The following VWA5A variants were observed in gnomAD, a reference collection of about 807,000 sequenced individuals.
VWA5A encodes the protein von Willebrand factor A domain containing 5A.
VWA5A carries 77 observed loss-of-function variants against 84.6 expected under a neutral mutation model. The observed-to-expected ratio is 0.91, with a 90% CI of 0.76 to 1.10. VWA5A has a LOEUF of 1.10. Ranked by LOEUF, VWA5A falls within the 50% of genes least tolerant of loss-of-function variation. VWA5A has a pLI of 0.00. For synonymous variants in VWA5A, 334 were observed against 350.1 expected, an observed-to-expected ratio of 0.95 and a Z score of 0.51; for missense variants, 973 against 963.0, an observed-to-expected ratio of 1.01 and a Z score of -0.14.
chr11:124,118,505 A>C, intron 5 of VWA5A, 28 bp from the exon 6 acceptor site: 1 of 1,611,696 alleles, frequency 6.2e-7, no homozygotes, highest in Non-Finnish European at 8.5e-7. Flanking sequence ...GTTGGCAAGG[A>C]AAACAGAACT....
At chr11:124,136,332 C>A in intron 13 of VWA5A, 39 bp downstream of exon 13, 1 of 1,596,710 alleles carries the variant, frequency 6.3e-7, no homozygotes, top group South Asian at 1.1e-5. Flanking sequence ...AGTCAAAGAG[C>A]TACCACATGA....
chr11:124,123,301 T>C (rs880321), intron 8 of VWA5A, 65 bp from the exon 9 acceptor site: 154,627 of 1,541,612 alleles, frequency 0.1, 8,421 homozygotes, highest in Non-Finnish European at 0.11. Flanking sequence ...AAGAGTCGAT[T>C]GACAGGGCCC....
intron 11 of VWA5A, among the ~76,000 whole-genome samples, chr11:124,125,918 T>C (rs928335251): frequency 1.3e-5 from 2 of 152,250 alleles, no homozygotes; most frequent in Non-Finnish European, 2.9e-5. Context: ...TGTTAAAAAG[T>C]CTTTCCCTAT....
rs142646474 is a variant in VWA5A at position 124,129,146 on chromosome 11, A to G, written c.1244+4830A>G. Among the ~76,000 whole-genome samples the G allele has an allele frequency of 7.0e-3, 1,059 of 152,268 alleles. 7 individuals carry two copies. The highest frequency in any genetic ancestry group is 0.021 in the Middle Eastern group (6 of 292). ...CATAAATAGCTCTTATTATTTTGAG[A>G]TATGTTCCATCAATACCTAGTTTAT... On this transcript the variant is annotated intron_variant, in intron 11 of 18. Transcript: ENST00000456829.
chr11:124,124,496 CAACA>C, intron 11 of VWA5A, 180 bp downstream of exon 11: 6 of 1,355,884 alleles, frequency 4.4e-6, no homozygotes, highest in Non-Finnish European at 5.7e-6. Flanking sequence ...CAAATAACAT[CAACA>C]ACACAGCAAA....
intron 16 of VWA5A, among the ~76,000 whole-genome samples, 182 bp from the exon 17 acceptor site, chr11:124,142,260 C>T (rs1307280501): frequency 6.6e-6 from 1 of 152,218 alleles, no homozygotes; most frequent in African/African-American, 2.4e-5. Context: ...AGCCCCTGTT[C>T]CACTGGTCAT....
At chr11:124,139,225 TTGTGTG>T (rs113893702) in intron 15 of VWA5A, among the ~76,000 whole-genome samples, 21 of 147,430 alleles carry the variant, frequency 1.4e-4, no homozygotes, top group African/African-American at 3.5e-4. Context: ...AGCATTTTGT[TTGTGTG>T]TGTGTGTGTG....
At position 124,146,640 on chromosome 11, in the gene VWA5A, T is replaced by C. The variant is rs988861663; in HGVS notation, c.*695T>C. On this transcript the variant is annotated 3_prime_UTR_variant, in exon 19 of 19. Transcript: ENST00000456829. The stretch of plus-strand genomic sequence containing the variant: ...ATGAAACACCTTAAGAAGTCTATAA[T>C]GCAATCCTTAGTCCTACCCTGAACC... 2 of 152,258 alleles carry C rather than the reference T, an allele frequency of 1.3e-5. No individual in the cohort carries two copies. The highest frequency in any genetic ancestry group is 2.4e-5 in the African/African-American group (1 of 41,450). The allele number at this position is 152,258 out of a possible 1,614,324, so 9.4% of individuals were successfully genotyped here. A position where few individuals can be genotyped will look rare whatever the true frequency, so the allele number is the denominator to read the frequency against.
At chr11:124,136,485 T>A in intron 13 of VWA5A, 89 bp from the exon 14 acceptor site, 1 of 1,446,738 alleles carries the variant, frequency 6.9e-7, no homozygotes, top group South Asian at 1.2e-5. Context: ...TTTCATACAT[T>A]GTTTTGGGTA....
chr11:124,136,155 G>A lies in VWA5A; in HGVS notation c.1386G>A (p.Leu462=). ...SKALRTLKRS[L]QPVVEDVSLS... ...CTCTCAGGACTCTGAAACGCTCTCT[G>A]CAGCCTGTGGTAGAGGATGTCTCTC... Residue 462 remains leucine, a synonymous_variant, in exon 13 of 19, where the codon CTG becomes CTA. Coordinates refer to ENST00000456829, the MANE Select transcript of VWA5A (RefSeq NM_001130142.2). 6.2e-7 allele frequency: 1 copy of A among 1,614,126 alleles called. No homozygotes were observed. The highest frequency in any genetic ancestry group is 2.2e-5 in the East Asian group (1 of 44,874).
In VWA5A at chr11:124,118,347, G is replaced by A; in HGVS notation, c.405G>A (p.Leu135=). The change falls in exon 5 of 19, where the codon CTG becomes CTA. Residue 135 remains leucine, a synonymous_variant. Coordinates refer to ENST00000456829, the MANE Select transcript of VWA5A (RefSeq NM_001130142.2). The stretch of plus-strand genomic sequence containing the variant: ...TGAAGTATGTGCAGGAGCTGCCTCT[G>A]GAAGCAGATGGGGCTCTGCGCTTTG... ...VTLKYVQELP[L]EADGALRFVL... The A allele has an allele frequency of 6.2e-7, 1 of 1,614,204 alleles. No homozygotes were observed. Among genetic ancestry groups the A allele is most frequent in the South Asian group, 1.1e-5 (1 of 91,088 alleles).
chr11:124,144,765 T>A (rs767930042), intron 17 of VWA5A, among the ~76,000 whole-genome samples: 1 of 152,262 alleles, frequency 6.6e-6, no homozygotes. Flanking sequence ...TTAGTCTCAC[T>A]TCTGTCGTTT....
chr11:124,124,464 G>A, intron 11 of VWA5A, 148 bp downstream of exon 11: 2 of 1,384,982 alleles, frequency 1.4e-6, no homozygotes, highest in Non-Finnish European at 1.9e-6. Context: ...ATTTCTCCCT[G>A]TAAACGTTAA....
chr11:124,123,639 G>A (rs1864968953), intron 9 of VWA5A, 21 bp from the exon 10 acceptor site: 2 of 1,614,108 alleles, frequency 1.2e-6, no homozygotes, highest in Admixed American at 1.7e-5. Context: ...TCATGTAACT[G>A]GGTGTGTTTG....
chr11:124,125,610 C>T (rs1865008173), intron 11 of VWA5A, among the ~76,000 whole-genome samples: 1 of 152,086 alleles, frequency 6.6e-6, no homozygotes, highest in Non-Finnish European at 1.5e-5. Flanking sequence ...CTTACATTTT[C>T]CTGCTGATGA....
chr11:124,124,105 T>C, intron 10 of VWA5A, 132 bp from the exon 11 acceptor site: 1 of 959,080 alleles, frequency 1.0e-6, no homozygotes. Flanking sequence ...ACTGAAACAT[T>C]AGGGATTTCA....
intron 15 of VWA5A, among the ~76,000 whole-genome samples, chr11:124,137,498 T>G (rs1860632944): frequency 6.6e-6 from 1 of 152,186 alleles, no homozygotes; most frequent in Admixed American, 6.5e-5. Context: ...AAACAAACAT[T>G]AAAATGTAGA....
At chr11:124,118,083 T>C in intron 4 of VWA5A, 106 bp from the exon 5 acceptor site, 1 of 1,339,898 alleles carries the variant, frequency 7.5e-7, no homozygotes, top group Admixed American at 2.4e-5. Flanking sequence ...ATAGCTGTGA[T>C]TAGACAAGAC....
At chr11:124,141,868 G>A in intron 16 of VWA5A, 127 bp downstream of exon 16, 1 of 1,318,116 alleles carries the variant, frequency 7.6e-7, no homozygotes, top group Non-Finnish European at 1.0e-6. Flanking sequence ...GACCCCCCAT[G>A]CATTGGAAAA....
Sources: gnomAD v4.1 joint callset for allele counts (sites outside exome capture counted in the v4.1 genomes callset) on GRCh38, gnomAD v4.1.1 for gene constraint, MANE v1.5 for transcripts, NCBI Gene and HGNC (gene_info 2026-07-23, HGNC 2026-07-21) for gene names.